The following CDH23 variants were observed in gnomAD, a reference collection of about 807,000 sequenced individuals.
CDH23 encodes the protein cadherin-23.
In CDH23, 189 loss-of-function variants were observed where a neutral mutation model predicts 317.1. That is an observed-to-expected ratio of 0.60 (90% CI 0.53 to 0.67). The LOEUF is 0.67. Ranked by LOEUF, CDH23 falls within the 30% of genes least tolerant of loss-of-function variation. The probability of loss-of-function intolerance (pLI) is 0.00; values close to 1 mark genes in which losing one functional copy is unlikely to be tolerated. For synonymous variants in CDH23, 1,839 were observed against 1,876.8 expected (o/e 0.98, Z 0.52); for missense variants, 4,401 against 4,592.4 (o/e 0.96, Z 1.20).
At chr10:71,413,049 C>T (rs1403325563) in intron 1 of CDH23, among the ~76,000 whole-genome samples, 1 of 152,142 alleles carries the variant, frequency 6.6e-6, no homozygotes, top group Non-Finnish European at 1.5e-5. Flanking sequence ...TCCAATAAAT[C>T]ATTGCTAAAT....
At position 71,761,707 on chromosome 10, in the gene CDH23, G is replaced by C. The variant is rs1337035747; in HGVS notation, c.4846-15973G>C. 3 of 1,614,104 alleles carry C rather than the reference G, an allele frequency of 1.9e-6. No homozygotes were observed. In the Admixed American group the frequency reaches 5.0e-5, roughly 27 times the overall value. Reference sequence around the variant, plus strand: ...GGCCGCTATCCAGCAGGGTCAGGTTGCGCATGGTGATGGAGAAGTTGCCAT... The same window carrying C: ...GGCCGCTATCCAGCAGGGTCAGGTTCCGCATGGTGATGGAGAAGTTGCCAT... On this transcript the variant is annotated intron_variant, in intron 38 of 69. Coordinates refer to ENST00000224721, the MANE Select transcript of CDH23 (RefSeq NM_022124.6).
Position 71,695,470 on chromosome 10 carries a change from C to T in CDH23, c.2342C>T (p.Ala781Val), listed in dbSNP as rs369203863. The change falls in exon 22 of 70, where the codon GCA becomes GTA. Residue 781 changes from alanine to valine, a missense_variant. Coordinates refer to ENST00000224721, the MANE Select transcript of CDH23 (RefSeq NM_022124.6). ...GACAACCACCCCACGTGGAAGGACG[C>T]ACCCTACTACATCAACCTGGTGGAG... ...INDNHPTWKD[A>V]PYYINLVEMT... 1 of 1,613,648 alleles carries T rather than the reference C, an allele frequency of 6.2e-7. No homozygotes were observed. Among genetic ancestry groups the T allele is most frequent in the Non-Finnish European group, 8.5e-7 (1 of 1,179,522 alleles).
At chr10:71,525,689 A>C (rs1017718493) in intron 6 of CDH23, among the ~76,000 whole-genome samples, 1 of 152,154 alleles carries the variant, frequency 6.6e-6, no homozygotes, top group South Asian at 2.1e-4. Context: ...GTGGTGCTAC[A>C]TCCAACAAGT....
chr10:71,785,948 A>C (rs1324152503), intron 44 of CDH23, among the ~76,000 whole-genome samples: 2 of 152,148 alleles, frequency 1.3e-5, no homozygotes, highest in African/African-American at 4.8e-5. Context: ...TCTTCTGCAA[A>C]ATGAAGATCT....
Position 71,570,733 on chromosome 10 carries a change from TG to T in CDH23, c.625-56del, listed in dbSNP as rs991165271. On this transcript the variant is annotated intron_variant, in intron 7 of 69. Transcript: ENST00000224721. ...GTCTGTGTGTGTGTGTACATATGTG[TG>T]TGAGTGTCCCCACCATCACTCAACC... 5.8e-6 allele frequency: 9 copies of T among 1,550,180 alleles called. No individual in the cohort carries two copies. The African/African-American group carries it at 1.2e-4, about 21-fold the overall frequency.
intron 8 of CDH23, among the ~76,000 whole-genome samples, 169 bp from the exon 9 acceptor site, chr10:71,577,745 T>C (rs1858316235): frequency 6.6e-6 from 1 of 152,232 alleles, no homozygotes; most frequent in African/African-American, 2.4e-5. Context: ...GCCTGGGAAC[T>C]GCAGTGTGTG....
chr10:71,624,509 T>C (rs974635348), intron 11 of CDH23, among the ~76,000 whole-genome samples: 1 of 152,174 alleles, frequency 6.6e-6, no homozygotes, highest in African/African-American at 2.4e-5. Flanking sequence ...AATGGGTTCG[T>C]ATCTGTATTT....
At chr10:71,517,131 G>A (rs56839026) in intron 6 of CDH23, among the ~76,000 whole-genome samples, 8,564 of 152,270 alleles carry the variant, frequency 0.056, 822 homozygotes, top group African/African-American at 0.19. Context: ...GGCGGTGTGA[G>A]GACAAAAGGA....
intron 1 of CDH23, among the ~76,000 whole-genome samples, chr10:71,411,443 A>G (rs1180452166): frequency 6.6e-6 from 1 of 152,156 alleles, no homozygotes; most frequent in Admixed American, 6.5e-5. Context: ...ATATAGAAGT[A>G]TAACTGATTT....
Position 71,807,361 on chromosome 10 carries a change from G to T in CDH23, c.8263G>T (p.Asp2755Tyr). The T allele has an allele frequency of 6.2e-7, 1 of 1,613,874 alleles. No homozygotes were observed. The highest frequency in any genetic ancestry group is 8.5e-7 in the Non-Finnish European group (1 of 1,179,834). The change falls in exon 58 of 70, where the codon GAT becomes TAT. Residue 2755 changes from aspartate (D) to tyrosine (Y), a missense_variant. Coordinates refer to ENST00000224721, the MANE Select transcript of CDH23 (RefSeq NM_022124.6). Reference sequence around the variant, plus strand: ...CGTGGGCAACGTGACAGGCGCAGTGGATGCAGATGAGGGCCCCAACGCGAT... The same window carrying T: ...CGTGGGCAACGTGACAGGCGCAGTGTATGCAGATGAGGGCCCCAACGCGAT... The part of the protein sequence containing the change: ...TLVGNVTGAV[D>Y]ADEGPNAIVY...
chr10:71,684,640 G>A (rs906940124), intron 18 of CDH23, among the ~76,000 whole-genome samples: 1 of 152,198 alleles, frequency 6.6e-6, no homozygotes, highest in Non-Finnish European at 1.5e-5. Flanking sequence ...GATTGTGCAG[G>A]TGGCACCTGG....
intron 41 of CDH23, among the ~76,000 whole-genome samples, chr10:71,779,756 G>A (rs561137891): frequency 2.0e-5 from 3 of 152,326 alleles, no homozygotes; most frequent in East Asian, 1.9e-4. Flanking sequence ...CAGGGCAGAC[G>A]AGGGAAGCAC....
chr10:71,587,079 C>T (rs1030942900), intron 9 of CDH23, among the ~76,000 whole-genome samples: 5 of 152,192 alleles, frequency 3.3e-5, no homozygotes, highest in African/African-American at 4.8e-5. Context: ...CATCATAACC[C>T]CCAAATGTGG....
In CDH23 at chr10:71,645,925, G is replaced by A. The variant is rs368817860; in HGVS notation, c.1235G>A (p.Arg412His). 14 of 1,613,520 alleles carry A rather than the reference G, an allele frequency of 8.7e-6. No homozygotes were observed. The highest frequency in any genetic ancestry group is 3.3e-5 in the South Asian group (3 of 91,020). Residue 412 changes from arginine (R) to histidine (H), a missense_variant, in exon 13 of 70, where the codon CGT becomes CAT. Physicochemically the swap from Arg to His is conservative, Grantham distance 29 (BLOSUM62 0). Coordinates refer to ENST00000224721, the MANE Select transcript of CDH23 (RefSeq NM_022124.6). ...TCCGTCCAGGGGAAGGCGGACATTC[G>A]TATTCGGGTGGCCATCCCACTGGAC... ...PTSVQGKADI[R>H]IRVAIPLDYE...
At chr10:71,569,739 G>T (rs1232639866) in intron 7 of CDH23, among the ~76,000 whole-genome samples, 2 of 152,202 alleles carry the variant, frequency 1.3e-5, no homozygotes, top group Non-Finnish European at 2.9e-5. Flanking sequence ...CATAACTACA[G>T]ATGCGAGTGA....
intron 11 of CDH23, among the ~76,000 whole-genome samples, chr10:71,627,204 C>T (rs1209864771): frequency 1.3e-5 from 2 of 152,192 alleles, no homozygotes. Flanking sequence ...CTCACAGCTT[C>T]AGCTCACATT....
At chr10:71,483,213 A>C (rs1249392400) in intron 3 of CDH23, among the ~76,000 whole-genome samples, 1 of 152,222 alleles carries the variant, frequency 6.6e-6, no homozygotes. Flanking sequence ...CCACCCCAGC[A>C]TAACTGTGCA....
chr10:71,424,915 G>A (rs921671147), intron 1 of CDH23, among the ~76,000 whole-genome samples: 1 of 152,182 alleles, frequency 6.6e-6, no homozygotes. Flanking sequence ...GTCCCCGCAT[G>A]CCCAGTGGGA....
At chr10:71,562,976 C>T (rs1228396566) in intron 6 of CDH23, among the ~76,000 whole-genome samples, 1 of 152,230 alleles carries the variant, frequency 6.6e-6, no homozygotes, top group Admixed American at 6.5e-5. Flanking sequence ...TTGGCATGGC[C>T]TGGGTCTGAA....
Sources: gnomAD v4.1 joint callset for allele counts (sites outside exome capture counted in the v4.1 genomes callset) on GRCh38, gnomAD v4.1.1 for gene constraint, MANE v1.5 for transcripts, NCBI Gene and HGNC (gene_info 2026-07-23, HGNC 2026-07-21) for gene names.